APBA2: variants seen among roughly 807,000 people sequenced by gnomAD.
APBA2 encodes the protein amyloid beta precursor protein binding family A member 2, also known as amyloid-beta A4 precursor protein-binding family A member 2.
Under a neutral mutation model 75.0 loss-of-function variants are expected in APBA2, and 30 were observed. The observed-to-expected ratio is 0.40, with a 90% CI of 0.30 to 0.54. The LOEUF (loss-of-function observed/expected upper bound fraction) is 0.54. Ranked by LOEUF, APBA2 falls within the 20% of genes least tolerant of loss-of-function variation. APBA2 has a pLI of 0.49. For missense variants in APBA2, 801 were observed against 1,016.1 expected, an observed-to-expected ratio of 0.79 and a Z score of 2.88; for synonymous variants, 444 against 409.6, an observed-to-expected ratio of 1.08 and a Z score of -1.01.
rs1052173216 is a variant in APBA2 at position 29,101,291 on chromosome 15, G to A, written c.1339-308G>A. On this transcript the variant is annotated intron_variant, in intron 9 of 14. Coordinates refer to ENST00000683413, the MANE Select transcript of APBA2 (RefSeq NM_001353788.2). ...GTTGCCCAGGCTGGAGTGCAGTGGC[G>A]CAATCTCGGCTCGATGCAACCTCTG... is the stretch of plus-strand genomic sequence containing the variant. 2.6e-5 allele frequency among the ~76,000 whole-genome samples: 4 copies of A among 151,138 alleles called. No individual in the cohort carries two copies. In the East Asian group the frequency reaches 5.9e-4, roughly 22 times the overall value.
At chr15:29,105,201 C>G (rs1172180414) in intron 10 of APBA2, among the ~76,000 whole-genome samples, 178 bp from the exon 11 acceptor site, 1 of 152,156 alleles carries the variant, frequency 6.6e-6, no homozygotes, top group Non-Finnish European at 1.5e-5. Flanking sequence ...TGGGAGACAG[C>G]CTTCATCAGA....
intron 3 of APBA2, among the ~76,000 whole-genome samples, chr15:29,017,325 T>G (rs1402181777): frequency 2.6e-5 from 4 of 152,000 alleles, no homozygotes; most frequent in African/African-American, 9.7e-5. Context: ...ATCTATCTGA[T>G]TTTTGACCTA....
chr15:29,067,745 A>C (rs1971995), intron 4 of APBA2, among the ~76,000 whole-genome samples: 45,645 of 152,138 alleles, frequency 0.3, 10,100 homozygotes, highest in African/African-American at 0.63. Flanking sequence ...GCAGACAGGT[A>C]GATTTAGTAA....
intron 2 of APBA2, among the ~76,000 whole-genome samples, chr15:28,987,801 G>T (rs1363444009): frequency 7.1e-6 from 1 of 140,528 alleles, no homozygotes; most frequent in African/African-American, 2.7e-5. Context: ...CTGTCACCCA[G>T]GCTGGAGTGC....
intron 6 of APBA2, among the ~76,000 whole-genome samples, chr15:29,080,052 G>T (rs2043021683): frequency 6.6e-6 from 1 of 152,134 alleles, no homozygotes; most frequent in Admixed American, 6.5e-5. Flanking sequence ...CCTGGACTTG[G>T]ACCCATGTCT....
intron 2 of APBA2, chr15:28,976,893 T>C (rs1364811214): frequency 6.6e-6 from 1 of 152,200 alleles, no homozygotes; most frequent in African/African-American, 2.4e-5. Flanking sequence ...ACTGAGGTGA[T>C]ATGTTCCTCA....
intron 4 of APBA2, among the ~76,000 whole-genome samples, chr15:29,058,675 C>T (rs1281301301): frequency 3.3e-5 from 5 of 151,598 alleles, no homozygotes; most frequent in South Asian, 2.1e-4. Context: ...GAGGTCTGCC[C>T]GGGGGCTGGG....
chr15:29,010,909 G>A (rs2039371189), intron 3 of APBA2, among the ~76,000 whole-genome samples: 1 of 152,142 alleles, frequency 6.6e-6, no homozygotes, highest in African/African-American at 2.4e-5. Flanking sequence ...TAAGTGTACA[G>A]TTCGGTAGTG....
chr15:28,967,216 T>C (rs977901520), intron 2 of APBA2, among the ~76,000 whole-genome samples: 4 of 152,206 alleles, frequency 2.6e-5, no homozygotes, highest in African/African-American at 4.8e-5. Flanking sequence ...ACATACCATG[T>C]AACTCATACC....
chr15:28,935,015 G>T (rs1193916909), intron 2 of APBA2, among the ~76,000 whole-genome samples: 5 of 152,188 alleles, frequency 3.3e-5, no homozygotes, highest in Non-Finnish European at 1.5e-5. Flanking sequence ...TATAATCCAT[G>T]AATGATGCCC....
intron 2 of APBA2, among the ~76,000 whole-genome samples, chr15:28,967,884 C>T (rs1325215997): frequency 6.6e-6 from 1 of 152,182 alleles, no homozygotes; most frequent in Non-Finnish European, 1.5e-5. Context: ...ATCACCACCA[C>T]TCATCTCCAG....
chr15:28,959,977 C>G (rs147836237), intron 2 of APBA2, among the ~76,000 whole-genome samples: 1 of 152,182 alleles, frequency 6.6e-6, no homozygotes, highest in African/African-American at 2.4e-5. Flanking sequence ...AACGCCATCT[C>G]TACTAAAAAT....
intron 2 of APBA2, among the ~76,000 whole-genome samples, chr15:28,931,985 A>G (rs570051902): frequency 3.3e-5 from 5 of 152,076 alleles, no homozygotes; most frequent in South Asian, 2.1e-4. Flanking sequence ...AGCCCTCCCA[A>G]CTGGGTCTGG....
At position 29,114,028 on chromosome 15, in the gene APBA2, C is replaced by CTT. The variant is rs774668302; in HGVS notation, c.2178+14_2178+15dup. Reference sequence around the variant, plus strand: ...ACTCGGTCGGAGAGGTAAGGAGGGACTTTGAGTGTGCCTCTGCATGCCGGT... The same window carrying CTT: ...ACTCGGTCGGAGAGGTAAGGAGGGACTTTTTGAGTGTGCCTCTGCATGCCGGT... On this transcript the variant is annotated intron_variant, in intron 14 of 14. Transcript: ENST00000683413. 1.2e-6 allele frequency: 2 copies of CTT among 1,613,710 alleles called. No homozygotes were observed. Among genetic ancestry groups the CTT allele is most frequent in the African/African-American group, 2.7e-5 (2 of 75,068 alleles).
intron 6 of APBA2, among the ~76,000 whole-genome samples, chr15:29,082,452 C>T (rs2043124821): frequency 6.6e-6 from 1 of 152,160 alleles, no homozygotes; most frequent in South Asian, 2.1e-4. Context: ...CAGACATTTA[C>T]TCATCTCATA....
intron 1 of APBA2, among the ~76,000 whole-genome samples, chr15:28,890,471 T>A (rs2032060445): frequency 6.6e-6 from 1 of 152,180 alleles, no homozygotes; most frequent in Non-Finnish European, 1.5e-5. Context: ...ACTTGTCTTG[T>A]ATGTAATGTC....
intron 3 of APBA2, among the ~76,000 whole-genome samples, chr15:29,001,919 T>A (rs912208419): frequency 6.6e-6 from 1 of 152,244 alleles, no homozygotes; most frequent in Admixed American, 6.5e-5. Flanking sequence ...TTTTGATTAA[T>A]GATATTCAGC....
intron 1 of APBA2, among the ~76,000 whole-genome samples, chr15:28,892,712 T>C (rs971049208): frequency 1.2e-4 from 18 of 151,252 alleles, no homozygotes; most frequent in Non-Finnish European, 2.5e-4. Context: ...AAATTTTTTT[T>C]ATTTGGTTGG....
At chr15:28,962,942 C>A (rs752066320) in intron 2 of APBA2, among the ~76,000 whole-genome samples, 1 of 152,142 alleles carries the variant, frequency 6.6e-6, no homozygotes, top group Non-Finnish European at 1.5e-5. Context: ...CAGCTACACT[C>A]ACCATTATAC....
Sources: allele counts gnomAD v4.1 joint callset (sites outside exome capture counted in the v4.1 genomes callset), GRCh38; gene constraint gnomAD v4.1.1; transcripts MANE v1.5; gene names NCBI Gene and HGNC (gene_info 2026-07-23, HGNC 2026-07-21).